The following MYO9A variants were observed in gnomAD, a reference collection of about 807,000 sequenced individuals.
MYO9A encodes the protein myosin IXA.
In MYO9A, 103 loss-of-function variants were observed where a neutral mutation model predicts 293.3. The ratio of observed to expected loss-of-function variants is 0.35; its 90% CI spans 0.30 to 0.41. The LOEUF (loss-of-function observed/expected upper bound fraction) is 0.41, where lower values mean the gene tolerates loss of function less well. Among genes scored for constraint, MYO9A ranks in the 10% least tolerant of loss-of-function variants. The probability of loss-of-function intolerance (pLI) is 1.00; values close to 1 mark genes in which losing one functional copy is unlikely to be tolerated. For synonymous variants in MYO9A, 1,001 were observed against 1,035.7 expected, an observed-to-expected ratio of 0.97 and a Z score of 0.64; for missense variants, 2,685 against 3,033.0, an observed-to-expected ratio of 0.89 and a Z score of 2.69.
chr15:71,926,365 T>C (rs1403954339), intron 18 of MYO9A, among the ~76,000 whole-genome samples: 2 of 151,950 alleles, frequency 1.3e-5, no homozygotes, highest in African/African-American at 2.4e-5. Flanking sequence ...GGAGTTCAAG[T>C]CCAGACAGGG....
At chr15:72,118,235 C>G (rs1428262481), upstream of MYO9A, 1 of 339,232 alleles carries the variant, frequency 2.9e-6, no homozygotes, top group Non-Finnish European at 5.3e-6. Context: ...GAGAGTACAG[C>G]GTGCGCTTGC....
intron 32 of MYO9A, 48 bp downstream of exon 32, chr15:71,875,743 C>T (rs1332135064): frequency 1.9e-6 from 2 of 1,052,842 alleles, no homozygotes; most frequent in Non-Finnish European, 2.6e-6. Context: ...CCTCAGACAA[C>T]TGATCTGAAA....
intron 1 of MYO9A, among the ~76,000 whole-genome samples, chr15:72,101,917 G>A (rs1243521812): frequency 6.6e-5 from 10 of 152,114 alleles, no homozygotes; most frequent in African/African-American, 2.4e-4. Flanking sequence ...GGTGAGGGGC[G>A]CCTCTGCCCG....
At chr15:72,010,471 A>G in intron 6 of MYO9A, 24 bp from the exon 7 acceptor site, 1 of 1,575,298 alleles carries the variant, frequency 6.3e-7, no homozygotes, top group Non-Finnish European at 8.7e-7. Flanking sequence ...ATAAAAGTTT[A>G]AAAATCAAGA....
intron 16 of MYO9A, among the ~76,000 whole-genome samples, chr15:71,936,867 G>A (rs978798587): frequency 6.6e-6 from 1 of 151,652 alleles, no homozygotes; most frequent in Non-Finnish European, 1.5e-5. Flanking sequence ...GAATCATACT[G>A]CACTTAAGAT....
chr15:72,010,780 G>A (rs2077150056), intron 6 of MYO9A, among the ~76,000 whole-genome samples: 1 of 151,988 alleles, frequency 6.6e-6, no homozygotes, highest in African/African-American at 2.4e-5. Context: ...GGTTCTAAAG[G>A]GTTTCAGAAA....
chr15:71,827,013 G>A lies in MYO9A; in HGVS notation c.7214C>T (p.Thr2405Ile), dbSNP rs747835372. 2 of 1,602,708 alleles carry A rather than the reference G, an allele frequency of 1.2e-6. No homozygotes were observed. The highest frequency in any genetic ancestry group is 1.7e-6 in the Non-Finnish European group (2 of 1,175,756). Residue 2405 changes from threonine (T) to isoleucine (I), a missense_variant, in exon 42 of 42, where the codon ACA (threonine) becomes ATA (isoleucine). Coordinates refer to ENST00000356056, the MANE Select transcript of MYO9A (RefSeq NM_006901.4). ...ERSLALSSLKTAGKSEPSSKL... is the reference protein window; with the variant it reads ...ERSLALSSLKIAGKSEPSSKL... ...GCTGGAAGGTTCAGACTTGCCAGCT[G>A]TCTTCAGGGAGCTAAGGGCTAAGCT...
At chr15:71,932,700 C>G (rs544130341) in intron 18 of MYO9A, among the ~76,000 whole-genome samples, 13 of 152,136 alleles carry the variant, frequency 8.5e-5, no homozygotes, top group African/African-American at 3.1e-4. Flanking sequence ...CTGGAAATGT[C>G]TGTGTGTTTA....
chr15:72,039,741 A>C (rs2078168682), intron 2 of MYO9A, among the ~76,000 whole-genome samples: 1 of 152,174 alleles, frequency 6.6e-6, no homozygotes, highest in Non-Finnish European at 1.5e-5. Flanking sequence ...AGACAGGAGA[A>C]TCGCTTGATC....
At chr15:72,109,014 C>G (rs1025892941) in intron 1 of MYO9A, among the ~76,000 whole-genome samples, 1 of 152,112 alleles carries the variant, frequency 6.6e-6, no homozygotes, top group African/African-American at 2.4e-5. Flanking sequence ...CCACCTGCCT[C>G]GGCTTTCCAA....
intron 1 of MYO9A, among the ~76,000 whole-genome samples, chr15:72,048,580 C>G (rs1181343570): frequency 6.6e-6 from 1 of 152,058 alleles, no homozygotes; most frequent in Non-Finnish European, 1.5e-5. Flanking sequence ...GCTCTATAGT[C>G]TGTTCCATAG....
intron 6 of MYO9A, among the ~76,000 whole-genome samples, chr15:72,016,615 A>G (rs920037277): frequency 6.6e-6 from 1 of 152,228 alleles, no homozygotes; most frequent in African/African-American, 2.4e-5. Flanking sequence ...GTCCCCAAAT[A>G]TATTATGAGG....
intron 18 of MYO9A, among the ~76,000 whole-genome samples, chr15:71,925,324 CATATATACGTATATGTACATAT>C (rs2058278951): frequency 4.3e-5 from 1 of 23,418 alleles, no homozygotes; most frequent in South Asian, 1.9e-3. Flanking sequence ...CGTATATGTA[CATATATACGTATATGTACATAT>C]ATACTTACAT....
chr15:71,973,591 T>G (rs1596307591), intron 12 of MYO9A, among the ~76,000 whole-genome samples: 1 of 152,104 alleles, frequency 6.6e-6, no homozygotes, highest in African/African-American at 2.4e-5. Context: ...ATCTTTTTAC[T>G]CTGGAAAGGG....
At chr15:71,913,177 T>C (rs2057911529) in intron 19 of MYO9A, among the ~76,000 whole-genome samples, 1 of 152,244 alleles carries the variant, frequency 6.6e-6, no homozygotes, top group African/African-American at 2.4e-5. Context: ...TACATCTTTG[T>C]TGCTTTCTCT....
intron 39 of MYO9A, among the ~76,000 whole-genome samples, chr15:71,834,951 A>G (rs1350885451): frequency 1.3e-5 from 2 of 152,278 alleles, no homozygotes; most frequent in East Asian, 1.9e-4. Flanking sequence ...TACTACATAC[A>G]CATAATATAA....
chr15:72,011,516 A>C (rs568026557), intron 6 of MYO9A, among the ~76,000 whole-genome samples: 1 of 152,170 alleles, frequency 6.6e-6, no homozygotes, highest in Admixed American at 6.5e-5. Context: ...AATCCCAGCT[A>C]CTTGGAAGGC....
At chr15:71,847,569 C>CATCT (rs2055442089) in intron 39 of MYO9A, 2 of 367,052 alleles carry the variant, frequency 5.4e-6, no homozygotes, top group Admixed American at 2.4e-5. Context: ...ACTGAATATC[C>CATCT]ATCTTCTGCA....
chr15:71,884,043 G>A (rs959139702), intron 27 of MYO9A, among the ~76,000 whole-genome samples: 2 of 152,010 alleles, frequency 1.3e-5, no homozygotes, highest in African/African-American at 2.4e-5. Context: ...CAAAGCAGTG[G>A]AGCTAGAATT....
Sources: gnomAD v4.1 joint callset for allele counts (sites outside exome capture counted in the v4.1 genomes callset) on GRCh38, gnomAD v4.1.1 for gene constraint, MANE v1.5 for transcripts, NCBI Gene and HGNC (gene_info 2026-07-23, HGNC 2026-07-21) for gene names.